DNAI1: variants seen among roughly 807,000 people sequenced by gnomAD.
DNAI1 encodes dynein, axonemal, intermediate polypeptide 1.
DNAI1 carries 67 observed loss-of-function variants against 92.0 expected under a neutral mutation model. That is an observed-to-expected ratio of 0.73 (90% CI 0.60 to 0.89). The LOEUF is 0.89. DNAI1 is among the 40% of genes least tolerant of loss of function. The pLI, the probability that DNAI1 is intolerant of heterozygous loss-of-function variation, is 0.00. For synonymous variants in DNAI1, 323 were observed against 319.6 expected (o/e 1.01, Z -0.11); for missense variants, 839 against 866.6 (o/e 0.97, Z 0.40).
intron 10 of DNAI1, among the ~76,000 whole-genome samples, chr9:34,500,477 C>T (rs1824806293): frequency 6.6e-6 from 1 of 152,188 alleles, no homozygotes; most frequent in South Asian, 2.1e-4. Context: ...CCTCCAACAA[C>T]AACGACAGTA....
At chr9:34,491,887 G>A (rs866475797) in intron 8 of DNAI1, among the ~76,000 whole-genome samples, 1 of 152,154 alleles carries the variant, frequency 6.6e-6, no homozygotes, top group Non-Finnish European at 1.5e-5. Flanking sequence ...GGCACCCTGT[G>A]ACTCTGTGAC....
intron 18 of DNAI1, among the ~76,000 whole-genome samples, chr9:34,516,252 T>G (rs1289615196): frequency 6.6e-6 from 1 of 151,746 alleles, no homozygotes; most frequent in Non-Finnish European, 1.5e-5. Context: ...GAACATGAGG[T>G]GAGAGTGGGG....
intron 9 of DNAI1, 74 bp from the exon 10 acceptor site, chr9:34,497,041 G>T: frequency 8.8e-7 from 1 of 1,133,684 alleles, no homozygotes; most frequent in Non-Finnish European, 1.3e-6. Context: ...CAATTGCAAG[G>T]GTGACATGGC....
chr9:34,498,707 G>A (rs1824771345), intron 10 of DNAI1, among the ~76,000 whole-genome samples: 1 of 152,182 alleles, frequency 6.6e-6, no homozygotes, highest in African/African-American at 2.4e-5. Flanking sequence ...CCCAGAGTTG[G>A]CAGCTCCTCG....
chr9:34,519,205 T>C (rs1189161444), intron 19 of DNAI1, among the ~76,000 whole-genome samples: 6 of 152,156 alleles, frequency 3.9e-5, no homozygotes, highest in Non-Finnish European at 5.9e-5. Flanking sequence ...CCTTCCTCTG[T>C]GAGCTGCAGA....
intron 1 of DNAI1, among the ~76,000 whole-genome samples, chr9:34,472,271 T>TA (rs1319368648): frequency 2.0e-4 from 30 of 152,344 alleles, no homozygotes; most frequent in African/African-American, 6.7e-4. Flanking sequence ...TTCTCCCCCT[T>TA]ACAGATGCAG....
At chr9:34,511,579 C>T (rs1278399517) in intron 13 of DNAI1, among the ~76,000 whole-genome samples, 1 of 152,162 alleles carries the variant, frequency 6.6e-6, no homozygotes, top group African/African-American at 2.4e-5. Context: ...ATGATGGTAA[C>T]AATGAGGACA....
intron 5 of DNAI1, 76 bp from the exon 6 acceptor site, chr9:34,489,936 A>G (rs1164053757): frequency 6.3e-7 from 1 of 1,578,672 alleles, no homozygotes; most frequent in East Asian, 2.3e-5. Flanking sequence ...CCCAGGCAGA[A>G]ACCAAGAAAG....
intron 12 of DNAI1, among the ~76,000 whole-genome samples, chr9:34,502,137 G>C (rs10283855): frequency 0.025 from 3,864 of 152,276 alleles, 178 homozygotes; most frequent in African/African-American, 0.089. Flanking sequence ...CAGACTGCCT[G>C]TCCACCCATT....
rs1419477770 is a variant in DNAI1, at chr9:34,514,636, G to A, written c.1719-4G>A. 6.2e-7 allele frequency: 1 copy of A among 1,614,204 alleles called. No homozygotes were observed. The highest frequency in any genetic ancestry group is 8.5e-7 in the Non-Finnish European group (1 of 1,180,046). On this transcript the variant is annotated splice_polypyrimidine_tract_variant and splice_region_variant and intron_variant, in intron 17 of 19. Coordinates refer to ENST00000242317, the MANE Select transcript of DNAI1 (RefSeq NM_012144.4). ...CATGGGCTTTCCACCCTCCACCTCT[G>A]CAGGACCCCGATGTTCATCTATGAC... is the stretch of plus-strand genomic sequence containing the variant.
At position 34,512,213 on chromosome 9, in the gene DNAI1, G is replaced by C. The variant is rs764126132; in HGVS notation, c.1401+15G>C. 3 of 1,613,912 alleles carry C rather than the reference G, an allele frequency of 1.9e-6. No homozygotes were observed. The highest frequency in any genetic ancestry group is 2.2e-5 in the South Asian group (2 of 91,078). On this transcript the variant is annotated intron_variant, in intron 14 of 19. Coordinates refer to ENST00000242317, the MANE Select transcript of DNAI1 (RefSeq NM_012144.4). ...CTCTCGTGAAGGTGCCTATTTCCCA[G>C]AGAGGGTCACACTGGGGTGATTGGG...
chr9:34,510,566 C>T (rs1825044291), intron 13 of DNAI1, among the ~76,000 whole-genome samples: 1 of 152,174 alleles, frequency 6.6e-6, no homozygotes, highest in South Asian at 2.1e-4. Flanking sequence ...TTTATTCCTA[C>T]CGGCTCACCT....
rs773366087 is a variant in DNAI1, at chr9:34,506,806, A to C, written c.1243A>C (p.Lys415Gln). The C allele has an allele frequency of 2.5e-6, 4 of 1,614,120 alleles. No homozygotes were observed. In the South Asian group the frequency reaches 4.4e-5, roughly 18 times the overall value. ...CAACGTGGCCATTTACAACCTCAAGAAGCCCCACTCCCAGCCCTCCTTCTG... is the reference window on the plus strand; with the variant it reads ...CAACGTGGCCATTTACAACCTCAAGCAGCCCCACTCCCAGCCCTCCTTCTG... ...DGNVAIYNLK[K>Q]PHSQPSFCSS... Residue 415 changes from lysine (K) to glutamine (Q), a missense_variant, in exon 13 of 20, where the codon AAG (lysine) becomes CAG (glutamine). Transcript: ENST00000242317.
intron 4 of DNAI1, 36 bp from the exon 5 acceptor site, chr9:34,489,287 G>C (rs2132060936): frequency 1.2e-6 from 2 of 1,612,780 alleles, no homozygotes; most frequent in African/African-American, 2.7e-5. Flanking sequence ...AGCTCTTTTA[G>C]GGATCCCTGG....
chr9:34,479,162 C>T (rs551651417), intron 1 of DNAI1, among the ~76,000 whole-genome samples: 3 of 152,280 alleles, frequency 2.0e-5, no homozygotes, highest in South Asian at 2.1e-4. Flanking sequence ...CCCAGGGACT[C>T]GCTGGACTGC....
chr9:34,462,699 T>C (rs566271493), intron 1 of DNAI1, among the ~76,000 whole-genome samples: 8 of 152,226 alleles, frequency 5.3e-5, no homozygotes, highest in African/African-American at 9.6e-5. Flanking sequence ...AGTATGGTTT[T>C]CCAGGTACAT....
At chr9:34,487,430 C>T (rs1824495801) in intron 4 of DNAI1, among the ~76,000 whole-genome samples, 1 of 152,062 alleles carries the variant, frequency 6.6e-6, no homozygotes, top group African/African-American at 2.4e-5. Context: ...CATGATCTGC[C>T]CGCCTCAGCC....
In DNAI1 at chr9:34,517,471, C is replaced by T; in HGVS notation, c.2001+4C>T. On this transcript the variant is annotated splice_donor_region_variant and intron_variant, in intron 19 of 19. Transcript: ENST00000242317. Reference sequence around the variant, plus strand: ...CAATTTGCGCAAGATGCCAAAGGTACAGGCTCTGGGACTTTGAGCTGCTGC... The same window carrying T: ...CAATTTGCGCAAGATGCCAAAGGTATAGGCTCTGGGACTTTGAGCTGCTGC... 1 of 1,614,168 alleles carries T rather than the reference C, an allele frequency of 6.2e-7. No homozygotes were observed. Among genetic ancestry groups the T allele is most frequent in the Non-Finnish European group, 8.5e-7 (1 of 1,180,026 alleles).
chr9:34,490,825 G>A (rs1191465388), intron 7 of DNAI1, among the ~76,000 whole-genome samples: 1 of 152,244 alleles, frequency 6.6e-6, no homozygotes, highest in African/African-American at 2.4e-5. Context: ...CTAGGAGCCA[G>A]TTCAACTGAA....
Sources: allele counts gnomAD v4.1 joint callset (sites outside exome capture counted in the v4.1 genomes callset), GRCh38; gene constraint gnomAD v4.1.1; transcripts MANE v1.5; gene names NCBI Gene and HGNC (gene_info 2026-07-23, HGNC 2026-07-21).